Variants in COBLL1 observed in about 807,000 individuals in gnomAD.
COBLL1 encodes cordon-bleu WH2 repeat protein like 1.
A neutral mutation model predicts 94.8 loss-of-function variants in COBLL1; 50 were observed. The observed-to-expected ratio is 0.53, with a 90% CI of 0.42 to 0.67. The LOEUF (loss-of-function observed/expected upper bound fraction) is 0.67, where lower values mean the gene tolerates loss of function less well. Among genes scored for constraint, COBLL1 ranks in the 30% least tolerant of loss-of-function variants. COBLL1 has a pLI of 0.00. For missense variants in COBLL1, 1,362 were observed against 1,348.7 expected, an observed-to-expected ratio of 1.01 and a Z score of -0.15; for synonymous variants, 448 against 473.8, an observed-to-expected ratio of 0.95 and a Z score of 0.71.
chr2:164,725,510 C>A (rs1685682774), intron 5 of COBLL1, among the ~76,000 whole-genome samples: 1 of 152,124 alleles, frequency 6.6e-6, no homozygotes. Context: ...CCTGACCTCC[C>A]TGGGCTTAGG....
chr2:164,668,208 C>T (rs897739208), intron 1 of COBLL1, among the ~76,000 whole-genome samples: 6 of 151,972 alleles, frequency 3.9e-5, no homozygotes, highest in Admixed American at 1.3e-4. Flanking sequence ...AGGTGATCTA[C>T]CCGCCTTGGC....
chr2:164,723,165 A>C (rs368388741), intron 5 of COBLL1: 2 of 152,312 alleles, frequency 1.3e-5, no homozygotes, highest in East Asian at 3.9e-4. Context: ...GAGGATTCCA[A>C]ACATAGCACA....
chr2:164,835,061 A>T (rs915400328), intron 2 of COBLL1, among the ~76,000 whole-genome samples: 1 of 94,544 alleles, frequency 1.1e-5, no homozygotes, highest in Non-Finnish European at 2.3e-5. Context: ...CAACCACTGT[A>T]AAAAAAAACA....
intron 2 of COBLL1, among the ~76,000 whole-genome samples, chr2:164,777,818 A>G (rs550104226): frequency 1.3e-5 from 2 of 152,342 alleles, no homozygotes; most frequent in African/African-American, 4.8e-5. Flanking sequence ...AGTACAGGCT[A>G]TTCAGATCTA....
intron 2 of COBLL1, among the ~76,000 whole-genome samples, chr2:164,834,526 T>G (rs568479211): frequency 6.4e-4 from 98 of 152,360 alleles, no homozygotes; most frequent in Non-Finnish European, 1.2e-3. Context: ...GACATTTCAG[T>G]TAATACTTAG....
chr2:164,824,287 G>A (rs1400635322), intron 2 of COBLL1, among the ~76,000 whole-genome samples: 4 of 151,706 alleles, frequency 2.6e-5, no homozygotes, highest in African/African-American at 4.8e-5. Context: ...AGGCTGAGAC[G>A]GGAGAATTGC....
intron 7 of COBLL1, among the ~76,000 whole-genome samples, chr2:164,709,988 G>C (rs2105469172): frequency 6.6e-6 from 1 of 152,066 alleles, no homozygotes; most frequent in Admixed American, 6.5e-5. Flanking sequence ...ATTTTCTTTT[G>C]AAATATGAGT....
intron 3 of COBLL1, among the ~76,000 whole-genome samples, chr2:164,734,387 G>A (rs1256766667): frequency 2.6e-5 from 4 of 152,146 alleles, no homozygotes; most frequent in Non-Finnish European, 5.9e-5. Context: ...AAACTAGTCG[G>A]CTAGTGAAAA....
rs555471915 is a variant in COBLL1, at chr2:164,800,115, A to G, written c.41+41041T>C. On this transcript the variant is annotated intron_variant, in intron 2 of 13. Transcript: ENST00000652658. ...AATTAAAAACTTTTGCTCTAAAAAT[A>G]CACAATTAAGAGAATAAAAAAGACA... 8.7e-4 allele frequency among the ~76,000 whole-genome samples: 132 copies of G among 152,346 alleles called. 1 individual carries two copies. Among genetic ancestry groups the G allele is most frequent in the Non-Finnish European group, 1.6e-3 (108 of 68,020 alleles).
intron 2 of COBLL1, among the ~76,000 whole-genome samples, chr2:164,773,133 C>T (rs988051072): frequency 2.0e-5 from 3 of 151,108 alleles, no homozygotes; most frequent in Non-Finnish European, 4.4e-5. Context: ...GAAAGAGTGC[C>T]AATCTAGAGA....
intron 2 of COBLL1, chr2:164,772,189 ACTAT>A (rs1012266888): frequency 1.2e-4 from 18 of 151,926 alleles, no homozygotes; most frequent in African/African-American, 4.3e-4. Flanking sequence ...GTAATTTGAT[ACTAT>A]CTTTTTTATT....
chr2:164,744,696 T>C (rs1282379592), intron 2 of COBLL1, among the ~76,000 whole-genome samples: 4 of 152,160 alleles, frequency 2.6e-5, no homozygotes, highest in African/African-American at 9.7e-5. Context: ...GATGGCTGTA[T>C]TTCCCACTGC....
intron 2 of COBLL1, among the ~76,000 whole-genome samples, chr2:164,822,956 A>G (rs1015738191): frequency 6.6e-6 from 1 of 151,868 alleles, no homozygotes; most frequent in African/African-American, 2.4e-5. Context: ...TTTAGGAGAG[A>G]CGGAATATTG....
intron 2 of COBLL1, among the ~76,000 whole-genome samples, chr2:164,757,203 A>G (rs897051482): frequency 6.6e-6 from 1 of 152,202 alleles, no homozygotes; most frequent in African/African-American, 2.4e-5. Context: ...ACTTAATGAT[A>G]TACCTTCATT....
Position 164,695,822 on chromosome 2 carries a change from T to C in COBLL1, c.1570A>G (p.Ile524Val). ...PNQENVVQNE[I>V]IVYPENTEDN... ...TCTGTGTTCTCTGGATAGACAATTATTTCATTTTGAACTACTGAGAGAAAA... is the reference window on the plus strand; with the variant it reads ...TCTGTGTTCTCTGGATAGACAATTACTTCATTTTGAACTACTGAGAGAAAA... The change falls in exon 12 of 14, where the codon ATA becomes GTA. Residue 524 changes from isoleucine to valine, a missense_variant. Ile to Val is a conservative substitution (Grantham distance 29). Transcript: ENST00000652658. 6.4e-7 allele frequency: 1 copy of C among 1,571,920 alleles called. No homozygotes were observed. Among genetic ancestry groups the C allele is most frequent in the Non-Finnish European group, 8.6e-7 (1 of 1,164,160 alleles).
chr2:164,823,022 A>AAATTC (rs1685255003), intron 2 of COBLL1, among the ~76,000 whole-genome samples: 1 of 151,992 alleles, frequency 6.6e-6, no homozygotes, highest in Admixed American at 6.6e-5. Context: ...AACCAAACAT[A>AAATTC]AATTCATCCA....
chr2:164,747,352 G>A (rs1320703663), intron 2 of COBLL1, among the ~76,000 whole-genome samples: 3 of 152,168 alleles, frequency 2.0e-5, no homozygotes, highest in Admixed American at 2.0e-4. Context: ...CAGTTTTGAT[G>A]TCTGTGTGTG....
chr2:164,801,438 C>CAAAAAAAAAAAAAAAAAA (rs143505097), intron 2 of COBLL1, among the ~76,000 whole-genome samples: 1 of 28,208 alleles, frequency 3.5e-5, no homozygotes, highest in African/African-American at 1.3e-4. Flanking sequence ...GACTCCGTCT[C>CAAAAAAAAAAAAAAAAAA]AAAAAAAAAA....
chr2:164,728,495 G>GT (rs1402475424), intron 4 of COBLL1, among the ~76,000 whole-genome samples: 1 of 151,806 alleles, frequency 6.6e-6, no homozygotes, highest in Non-Finnish European at 1.5e-5. Flanking sequence ...TTTTCACTTT[G>GT]TTCCTTAAAA....
Sources: gnomAD v4.1 joint callset for allele counts (sites outside exome capture counted in the v4.1 genomes callset) on GRCh38, gnomAD v4.1.1 for gene constraint, MANE v1.5 for transcripts, NCBI Gene and HGNC (gene_info 2026-07-23, HGNC 2026-07-21) for gene names.